The following PCLO variants were observed in gnomAD, a reference collection of about 807,000 sequenced individuals.
PCLO encodes the protein piccolo presynaptic cytomatrix protein, also known as protein piccolo.
A neutral mutation model predicts 427.5 loss-of-function variants in PCLO; 82 were observed. That is an observed-to-expected ratio of 0.19 (90% confidence interval 0.16 to 0.23). PCLO has a LOEUF of 0.23. Ranked by LOEUF, PCLO falls within the 10% of genes least tolerant of loss-of-function variation. The probability of loss-of-function intolerance (pLI) is 1.00; values close to 1 mark genes in which losing one functional copy is unlikely to be tolerated. For missense variants in PCLO, 6,239 were observed against 6,115.9 expected (o/e 1.02, Z -0.67); for synonymous variants, 2,357 against 2,155.4 (o/e 1.09, Z -2.59).
At chr7:82,943,956 G>A (rs978306102) in intron 6 of PCLO, among the ~76,000 whole-genome samples, 43 of 151,648 alleles carry the variant, frequency 2.8e-4, no homozygotes, top group African/African-American at 9.9e-4. Flanking sequence ...TCAGGAGTCC[G>A]TGACCAGCCT....
At position 82,916,598 on chromosome 7, in the gene PCLO, A is replaced by G; in HGVS notation, c.11388T>C (p.Ala3796=). The G allele has an allele frequency of 6.2e-7, 1 of 1,613,642 alleles. No homozygotes were observed. The highest frequency in any genetic ancestry group is 8.5e-7 in the Non-Finnish European group (1 of 1,179,750). The change falls in exon 7 of 25, where the codon GCT becomes GCC. Residue 3796 remains alanine (A), a synonymous_variant. Transcript: ENST00000333891. ...TTCCCATTTCCAGGTATCGTAGCTTAGCATCAATCTCCTTTTCTTCTTCAT... is the reference window on the plus strand; with the variant it reads ...TTCCCATTTCCAGGTATCGTAGCTTGGCATCAATCTCCTTTTCTTCTTCAT... ...ELDEEEKEID[A]KLRYLEMGIN...
intron 6 of PCLO, 86 bp from the exon 7 acceptor site, chr7:82,916,959 A>G (rs1470023833): frequency 2.2e-6 from 2 of 921,688 alleles, no homozygotes; most frequent in African/African-American, 1.7e-5. Context: ...TTTAATAAAA[A>G]TGATTTCATG....
intron 1 of PCLO, among the ~76,000 whole-genome samples, chr7:83,159,575 T>C (rs1481527302): frequency 6.6e-6 from 1 of 152,082 alleles, no homozygotes; most frequent in African/African-American, 2.4e-5. Context: ...ATTTTACTAT[T>C]GTCATCCTTG....
At chr7:83,159,887 C>G (rs2116705366) in intron 1 of PCLO, among the ~76,000 whole-genome samples, 1 of 152,094 alleles carries the variant, frequency 6.6e-6, no homozygotes, top group South Asian at 2.1e-4. Flanking sequence ...GTGACTAATT[C>G]AAGGTCATAA....
At chr7:83,119,307 C>T (rs1333104880) in intron 3 of PCLO, among the ~76,000 whole-genome samples, 1 of 152,064 alleles carries the variant, frequency 6.6e-6, no homozygotes, top group Admixed American at 6.6e-5. Context: ...CTCCATGCAG[C>T]CCAGCACAGA....
intron 2 of PCLO, among the ~76,000 whole-genome samples, chr7:83,138,614 A>C (rs560258960): frequency 9.9e-5 from 15 of 151,990 alleles, no homozygotes; most frequent in Non-Finnish European, 1.5e-4. Context: ...TGAGCCGAGA[A>C]GCACTCCAGC....
At chr7:82,794,450 A>ATTTTTTTTTATTTTTTTTTTTTTTT (rs141105612) in intron 22 of PCLO, among the ~76,000 whole-genome samples, 1 of 62,030 alleles carries the variant, frequency 1.6e-5, no homozygotes, top group Non-Finnish European at 3.9e-5. Context: ...TAGTTCATAA[A>ATTTTTTTTTATTTTTTTTTTTTTTT]TTTTTTTTCT....
intron 3 of PCLO, among the ~76,000 whole-genome samples, chr7:83,070,553 AT>A (rs1218005471): frequency 6.6e-6 from 1 of 151,796 alleles, no homozygotes; most frequent in East Asian, 1.9e-4. Context: ...TGTCCGGCTA[AT>A]TTTTTTGTAT....
intron 22 of PCLO, among the ~76,000 whole-genome samples, chr7:82,776,912 A>G (rs1384946211): frequency 0.01 from 1,540 of 151,436 alleles, 29 homozygotes; most frequent in African/African-American, 0.036. Flanking sequence ...ATACGCACAC[A>G]CACACACACA....
At chr7:83,103,488 A>G (rs1790783686) in intron 3 of PCLO, among the ~76,000 whole-genome samples, 1 of 151,950 alleles carries the variant, frequency 6.6e-6, no homozygotes, top group Admixed American at 6.6e-5. Flanking sequence ...TTACAGGAAG[A>G]AAAGCTATAT....
At chr7:83,115,165 T>C (rs1208908206) in intron 3 of PCLO, among the ~76,000 whole-genome samples, 1 of 152,080 alleles carries the variant, frequency 6.6e-6, no homozygotes, top group African/African-American at 2.4e-5. Context: ...TTGCAGACAG[T>C]TTATTCAATG....
At chr7:83,127,071 C>T (rs1435299543) in intron 3 of PCLO, among the ~76,000 whole-genome samples, 1 of 152,012 alleles carries the variant, frequency 6.6e-6, no homozygotes, top group African/African-American at 2.4e-5. Flanking sequence ...AAACATTTTA[C>T]TACCGCTTTG....
chr7:82,988,838 TA>T, intron 3 of PCLO, among the ~76,000 whole-genome samples: 1 of 151,926 alleles, frequency 6.6e-6, no homozygotes, highest in Non-Finnish European at 1.5e-5. Context: ...TTTTTTATTT[TA>T]TTTTTTTTCT....
Position 82,950,187 on chromosome 7 carries a change from A to G in PCLO, c.10401T>C (p.Ser3467=). 6.2e-7 allele frequency: 1 copy of G among 1,608,340 alleles called. No individual in the cohort carries two copies. The highest frequency in any genetic ancestry group is 8.5e-7 in the Non-Finnish European group (1 of 1,178,562). The change falls in exon 6 of 25, where the codon AGT becomes AGC. Residue 3467 remains serine, a synonymous_variant. Coordinates refer to ENST00000333891, the MANE Select transcript of PCLO (RefSeq NM_033026.6). The part of the protein sequence containing the change: ...YVSRRRRTKK[S]VDTSVQTDDE... ...CATCAGTTTGGACGCTTGTATCCAC[A>G]CTCTTTTTAGTTCTCCTTCTCCTAC...
At chr7:83,076,671 G>A (rs1461582988) in intron 3 of PCLO, among the ~76,000 whole-genome samples, 2 of 123,612 alleles carry the variant, frequency 1.6e-5, no homozygotes, top group Non-Finnish European at 3.3e-5. Context: ...TTAAGTTTTA[G>A]GGTACATGTG....
chr7:83,091,394 T>C (rs1056870982), intron 3 of PCLO, among the ~76,000 whole-genome samples: 65 of 152,226 alleles, frequency 4.3e-4, no homozygotes, highest in African/African-American at 1.5e-3. Flanking sequence ...TGTCAGTACT[T>C]TGACACTTCT....
chr7:83,006,296 G>C (rs1280418739), intron 3 of PCLO, among the ~76,000 whole-genome samples: 1 of 151,548 alleles, frequency 6.6e-6, no homozygotes, highest in African/African-American at 2.4e-5. Context: ...GTGGCATTTA[G>C]AATTACATGT....
chr7:83,067,330 T>C (rs759384604), intron 3 of PCLO, among the ~76,000 whole-genome samples: 1 of 152,202 alleles, frequency 6.6e-6, no homozygotes, highest in Non-Finnish European at 1.5e-5. Flanking sequence ...CTTCCTCCTT[T>C]GTCTTCCCAC....
At chr7:83,014,412 G>T (rs553646445) in intron 3 of PCLO, among the ~76,000 whole-genome samples, 1 of 152,098 alleles carries the variant, frequency 6.6e-6, no homozygotes, top group Admixed American at 6.6e-5. Context: ...TTCCCCTCTC[G>T]AATGCTGAGA....
Sources: allele counts gnomAD v4.1 joint callset (sites outside exome capture counted in the v4.1 genomes callset), GRCh38; gene constraint gnomAD v4.1.1; transcripts MANE v1.5; gene names NCBI Gene and HGNC (gene_info 2026-07-23, HGNC 2026-07-21).